PTCD2: variants seen among roughly 807,000 people sequenced by gnomAD.
The protein encoded by PTCD2 is pentatricopeptide repeat domain 2.
A neutral mutation model predicts 42.6 loss-of-function variants in PTCD2; 31 were observed. That is an observed-to-expected ratio of 0.73 (90% CI 0.55 to 0.98). The LOEUF (loss-of-function observed/expected upper bound fraction) is 0.98. PTCD2 is among the 50% of genes least tolerant of loss of function. The probability of loss-of-function intolerance (pLI) is 0.00; values close to 1 mark genes in which losing one functional copy is unlikely to be tolerated. For missense variants in PTCD2, 476 were observed against 454.8 expected (o/e 1.05, Z -0.42); for synonymous variants, 183 against 170.9 (o/e 1.07, Z -0.55).
intron 4 of PTCD2, among the ~76,000 whole-genome samples, chr5:72,334,092 C>G (rs901091919): frequency 1.2e-4 from 19 of 152,070 alleles, no homozygotes; most frequent in Admixed American, 1.0e-3. Flanking sequence ...TGGTCCTGAA[C>G]TCTTGGCCTC....
rs1454779093 is a variant in PTCD2 at position 72,366,865 on chromosome 5, G to A, written c.*8438G>A. ...TGCACACACACATTAGATGTTTTGT[G>A]AGAAAACATACACTCAGTTTCTTAT... On this transcript the variant is annotated 3_prime_UTR_variant, in exon 10 of 10. Coordinates refer to ENST00000380639, the MANE Select transcript of PTCD2 (RefSeq NM_024754.5). The A allele has an allele frequency of 6.6e-6, 1 of 152,216 alleles. No individual in the cohort carries two copies. The highest frequency in any genetic ancestry group is 1.9e-4 in the East Asian group (1 of 5,198). 9.4% of individuals were successfully genotyped at this position (152,216 alleles called of 1,614,324 possible).
chr5:72,345,923 A>T (rs992684530), intron 8 of PTCD2, among the ~76,000 whole-genome samples: 21 of 152,248 alleles, frequency 1.4e-4, no homozygotes, highest in African/African-American at 5.1e-4. Context: ...TGAAAGAGTC[A>T]TACTTAAAGA....
At chr5:72,323,701 G>A (rs1000060579) in intron 2 of PTCD2, among the ~76,000 whole-genome samples, 3 of 152,214 alleles carry the variant, frequency 2.0e-5, no homozygotes, top group Non-Finnish European at 2.9e-5. Context: ...CTAGGCTGGA[G>A]TGCAGTTGGC....
At position 72,352,713 on chromosome 5, in the gene PTCD2, T is replaced by G. The variant is rs757014984; in HGVS notation, c.901T>G (p.Leu301Val). ...TCTAAAAAATGCTGCAGAAGGAAAT[T>G]TATCAAAATTTGTGAAAAGACATGT... ...KTLKNAAEGN[L>V]SKFVKRHVFS... The change falls in exon 9 of 10, where the codon TTA becomes GTA. Residue 301 changes from leucine (L) to valine (V), a missense_variant. Transcript: ENST00000380639. The G allele has an allele frequency of 1.2e-6, 2 of 1,603,714 alleles. No homozygotes were observed. Among genetic ancestry groups the G allele is most frequent in the Admixed American group, 1.7e-5 (1 of 59,948 alleles).
intron 9 of PTCD2, among the ~76,000 whole-genome samples, chr5:72,353,461 C>T (rs1752718405): frequency 6.6e-6 from 1 of 152,108 alleles, no homozygotes; most frequent in Non-Finnish European, 1.5e-5. Flanking sequence ...CAGTTTTTTT[C>T]AAGTTACTGT....
At chr5:72,344,470 G>A (rs534196055) in intron 8 of PTCD2, among the ~76,000 whole-genome samples, 171 of 152,166 alleles carry the variant, frequency 1.1e-3, no homozygotes, top group African/African-American at 4.0e-3. Context: ...CCAAAATTGC[G>A]CCACTACACT....
At chr5:72,341,068 G>C (rs1752031417) in intron 7 of PTCD2, among the ~76,000 whole-genome samples, 1 of 151,630 alleles carries the variant, frequency 6.6e-6, no homozygotes, top group Non-Finnish European at 1.5e-5. Context: ...GGGTTAAAGT[G>C]ATTCTCCTGC....
intron 9 of PTCD2, among the ~76,000 whole-genome samples, chr5:72,357,983 A>G (rs1752961014): frequency 6.6e-6 from 1 of 151,998 alleles, no homozygotes; most frequent in Admixed American, 6.6e-5. Flanking sequence ...AAATTTTTTT[A>G]CAGACAAAGT....
intron 3 of PTCD2, among the ~76,000 whole-genome samples, chr5:72,330,094 G>T (rs1037484607): frequency 7.9e-5 from 12 of 151,344 alleles, no homozygotes; most frequent in Admixed American, 3.9e-4. Context: ...CACCACGCCC[G>T]GCTAATTTTT....
intron 8 of PTCD2, 73 bp from the exon 9 acceptor site, chr5:72,352,568 C>A: frequency 1.4e-6 from 1 of 707,458 alleles, no homozygotes; most frequent in Non-Finnish European, 2.4e-6. Context: ...GAAGGCTTAT[C>A]TAACCAGGTA....
At chr5:72,342,538 C>T (rs1052385307) in intron 7 of PTCD2, among the ~76,000 whole-genome samples, 3 of 152,338 alleles carry the variant, frequency 2.0e-5, no homozygotes, top group South Asian at 2.1e-4. Context: ...AGAGCACTGT[C>T]TGCCTCTGAC....
chr5:72,336,286 C>T (rs1426667345), intron 6 of PTCD2, among the ~76,000 whole-genome samples: 3 of 152,158 alleles, frequency 2.0e-5, no homozygotes, highest in African/African-American at 7.2e-5. Context: ...CTTTTGCAAT[C>T]ACCGAAACTG....
At chr5:72,357,454 A>C (rs1454277436) in intron 9 of PTCD2, among the ~76,000 whole-genome samples, 1 of 152,212 alleles carries the variant, frequency 6.6e-6, no homozygotes, top group East Asian at 1.9e-4. Context: ...CCTCCAGAAT[A>C]GTCTCCACAT....
rs1469268521 is a variant in PTCD2 at position 72,363,692 on chromosome 5, A to C, written c.*5265A>C. ...ACATAATAAGTACCCTTCCTCTGCT[A>C]TTCTCTCTTGCTGACCCCAAGCCCA... On this transcript the variant is annotated 3_prime_UTR_variant, in exon 10 of 10. Transcript: ENST00000380639. 6.6e-6 allele frequency: 1 copy of C among 152,234 alleles called. No homozygotes were observed. Among genetic ancestry groups the C allele is most frequent in the African/African-American group, 2.4e-5 (1 of 41,444 alleles). 9.4% of individuals were successfully genotyped at this position (152,234 alleles called of 1,614,324 possible). A position where few individuals can be genotyped will look rare whatever the true frequency, so the allele number is the denominator to read the frequency against.
At chr5:72,331,144 G>C in intron 3 of PTCD2, 114 bp from the exon 4 acceptor site, 1 of 711,052 alleles carries the variant, frequency 1.4e-6, no homozygotes, top group Non-Finnish European at 2.6e-6. Context: ...CAGACTGTGA[G>C]AGGACTTCGT....
intron 7 of PTCD2, 60 bp downstream of exon 7, chr5:72,338,795 T>A: frequency 1.1e-6 from 1 of 924,948 alleles, no homozygotes; most frequent in Non-Finnish European, 1.7e-6. Flanking sequence ...TTACTTTTAT[T>A]CGTCCTTGCT....
At chr5:72,327,713 T>C (rs1450202773) in intron 3 of PTCD2, among the ~76,000 whole-genome samples, 1 of 152,130 alleles carries the variant, frequency 6.6e-6, no homozygotes, top group Non-Finnish European at 1.5e-5. Flanking sequence ...ACTCAAGTGA[T>C]CCATCCACCT....
chr5:72,366,459 C>G lies in PTCD2; in HGVS notation c.*8032C>G, dbSNP rs1753207999. The G allele has an allele frequency of 6.6e-6, 1 of 152,226 alleles. No homozygotes were observed. The highest frequency in any genetic ancestry group is 2.4e-5 in the African/African-American group (1 of 41,436). 9.4% of individuals were successfully genotyped at this position (152,226 alleles called of 1,614,324 possible). The stretch of plus-strand genomic sequence containing the variant: ...TGTTTTTAACCTTATCTCTGTATTG[C>G]CTGCCCAAGTGCTGGCTGTGTGCAT... On this transcript the variant is annotated 3_prime_UTR_variant, in exon 10 of 10. Transcript: ENST00000380639.
chr5:72,343,059 A>G, intron 8 of PTCD2, 23 bp downstream of exon 8: 1 of 1,368,828 alleles, frequency 7.3e-7, no homozygotes, highest in Non-Finnish European at 1.0e-6. Flanking sequence ...TTTATGGTTT[A>G]AGGTAAGCCT....
Sources: gnomAD v4.1 joint callset for allele counts (sites outside exome capture counted in the v4.1 genomes callset) on GRCh38, gnomAD v4.1.1 for gene constraint, MANE v1.5 for transcripts, NCBI Gene and HGNC (gene_info 2026-07-23, HGNC 2026-07-21) for gene names.